Variants in PRH1 observed in about 807,000 individuals in gnomAD.
PRH1 encodes salivary acidic proline-rich phosphoprotein 1/2.
A neutral mutation model predicts 7.9 loss-of-function variants in PRH1; 7 were observed. The ratio of observed to expected loss-of-function variants is 0.89; its 90% CI spans 0.50 to 1.67. The LOEUF is 1.67. Ranked by LOEUF, PRH1 falls within the 40% of genes most tolerant of loss-of-function variation. The probability of loss-of-function intolerance (pLI) is 0.00; values close to 1 mark genes in which losing one functional copy is unlikely to be tolerated. For missense variants in PRH1, 109 were observed against 223.6 expected, an observed-to-expected ratio of 0.49 and a Z score of 3.27; for synonymous variants, 45 against 80.8, an observed-to-expected ratio of 0.56 and a Z score of 2.38.
intron 2 of PRH1, among the ~76,000 whole-genome samples, chr12:10,960,225 C>A (rs1938173320): frequency 6.6e-6 from 1 of 152,172 alleles, no homozygotes; most frequent in African/African-American, 2.4e-5. Flanking sequence ...TATGACAAAT[C>A]AAAGACCCTC....
At chr12:10,944,158 A>T (rs1950448185) in intron 2 of PRH1, among the ~76,000 whole-genome samples, 1 of 152,226 alleles carries the variant, frequency 6.6e-6, no homozygotes, top group African/African-American at 2.4e-5. Flanking sequence ...GAATCTGTAC[A>T]TTCCTTTGGG....
chr12:10,981,864 ATTT>A (rs3033036), intron 1 of PRH1, among the ~76,000 whole-genome samples: 1 of 141,636 alleles, frequency 7.1e-6, no homozygotes, highest in African/African-American at 2.6e-5. Flanking sequence ...CAAACAACTA[ATTT>A]TTTTTTTTTT....
intron 1 of PRH1, among the ~76,000 whole-genome samples, chr12:11,014,527 A>T (rs1941205011): frequency 6.6e-6 from 1 of 152,182 alleles, no homozygotes; most frequent in Non-Finnish European, 1.5e-5. Context: ...TTTGAAAAAT[A>T]CTTATAAACC....
intron 1 of PRH1, among the ~76,000 whole-genome samples, chr12:11,105,821 T>C (rs920123620): frequency 2.0e-5 from 3 of 152,180 alleles, no homozygotes; most frequent in Non-Finnish European, 2.9e-5. Flanking sequence ...GTGAGTAATA[T>C]GTAGAGTGAA....
At chr12:10,929,204 G>T in intron 2 of PRH1, 1 of 1,608,206 alleles carries the variant, frequency 6.2e-7, no homozygotes, top group African/African-American at 1.3e-5. Context: ...TGTCCTGCTT[G>T]TCTTTATAAA....
intron 2 of PRH1, among the ~76,000 whole-genome samples, chr12:10,965,770 T>C (rs944728486): frequency 3.3e-5 from 5 of 152,224 alleles, no homozygotes; most frequent in Non-Finnish European, 7.3e-5. Flanking sequence ...ATGGAAAATG[T>C]GCCACATATT....
In PRH1 at chr12:10,931,191, C is replaced by T. The variant is rs1348976193; in HGVS notation, c.-59+42464G>A. 5.2e-6 allele frequency: 8 copies of T among 1,535,940 alleles called. No homozygotes were observed. In the South Asian group the frequency reaches 6.5e-5, roughly 12 times the overall value. On this transcript the variant is annotated intron_variant, in intron 2 of 3. Transcript: ENST00000539853. ...GTTAATATTTCCGTGTCCTGGAACA[C>T]ATTTCTCATGAGTTTTGTTCAAATA...
At chr12:11,051,409 G>A (rs1339304917), upstream of PRH1, among the ~76,000 whole-genome samples, 1 of 152,016 alleles carries the variant, frequency 6.6e-6, no homozygotes, top group Non-Finnish European at 1.5e-5. Context: ...TAATTTTCAT[G>A]GAACATTTCT....
In PRH1 at chr12:11,021,685, T is replaced by A. The variant is rs1941638016; in HGVS notation, c.-126+25335A>T. ...CTCTTCTTTCACTCAGCGTGTCATC[T>A]GCCACAAAACTGAAAGAAAGGTCTG... is the stretch of plus-strand genomic sequence containing the variant. On this transcript the variant is annotated intron_variant, in intron 1 of 3. Coordinates refer to the PRH1 transcript ENST00000539853. The A allele has an allele frequency of 3.1e-6, 5 of 1,609,726 alleles. No homozygotes were observed. In the African/African-American group the frequency reaches 6.7e-5, roughly 21 times the overall value.
chr12:10,908,897 C>T (rs769675563), intron 2 of PRH1: 36 of 1,612,878 alleles, frequency 2.2e-5, no homozygotes, highest in Non-Finnish European at 2.8e-5. Flanking sequence ...AGGTTCCTAG[C>T]AGTATCATCA....
chr12:11,042,635 T>TTTTTTTTTTTTTG (rs1942755590), intron 1 of PRH1, among the ~76,000 whole-genome samples: 1 of 135,850 alleles, frequency 7.4e-6, no homozygotes. Context: ...TTTTTTTTTT[T>TTTTTTTTTTTTTG]TTTTTTTTTT....
At chr12:10,913,651 A>G (rs1017877880) in intron 2 of PRH1, among the ~76,000 whole-genome samples, 1 of 152,180 alleles carries the variant, frequency 6.6e-6, no homozygotes, top group African/African-American at 2.4e-5. Flanking sequence ...TCCTTGTAGG[A>G]TAAGAAATGT....
Position 11,096,359 on chromosome 12 carries a change from C to G in PRH1, n.124-49171G>C, listed in dbSNP as rs566019681. On this transcript the variant is annotated intron_variant and non_coding_transcript_variant, in intron 1 of 4. Transcript: ENST00000541977. ...CTATTGGATTCTCAAAATTGATGAC[C>G]CTTTTTTTTGTCTTATTGTTTTAGA... is the stretch of plus-strand genomic sequence containing the variant. Among the ~76,000 whole-genome samples, 50 of 115,146 alleles carry G rather than the reference C, an allele frequency of 4.3e-4. 13 individuals carry two copies. The highest frequency in any genetic ancestry group is 1.5e-3 in the African/African-American group (50 of 34,444). 75.5% of individuals were successfully genotyped at this position (115,146 alleles called of 152,430 possible).
rs1290870962 is a variant in PRH1 at position 11,096,861 on chromosome 12, G to A, written n.124-49673C>T. On this transcript the variant is annotated intron_variant and non_coding_transcript_variant, in intron 1 of 4. Transcript: ENST00000541977. ...CTCCCAGGCTGGAGTGCAGCGGCGC[G>A]ATCTCGGCTCACTGCAAGCTCTGTC... Among the ~76,000 whole-genome samples the A allele has an allele frequency of 2.6e-5, 3 of 114,474 alleles. 1 individual carries two copies. Among genetic ancestry groups the A allele is most frequent in the Non-Finnish European group, 6.2e-5 (3 of 48,636 alleles). 75.1% of individuals were successfully genotyped at this position (114,474 alleles called of 152,430 possible). A position where few individuals can be genotyped will look rare whatever the true frequency, so the allele number is the denominator to read the frequency against.
chr12:10,939,551 GT>G (rs60186756), intron 2 of PRH1, among the ~76,000 whole-genome samples: 14,417 of 123,186 alleles, frequency 0.12, 589 homozygotes, highest in Non-Finnish European at 0.14. Flanking sequence ...TGGTTTGTGT[GT>G]TTTTTTTTTT....
At chr12:11,090,007 A>C (rs1402610217) in intron 1 of PRH1, among the ~76,000 whole-genome samples, 1 of 117,038 alleles carries the variant, frequency 8.5e-6, no homozygotes, top group African/African-American at 2.9e-5. Flanking sequence ...TTTTGTGATG[A>C]GTTTCCTTTT....
At chr12:11,050,755 G>C (rs796336113), upstream of PRH1, among the ~76,000 whole-genome samples, 1 of 147,752 alleles carries the variant, frequency 6.8e-6, no homozygotes, top group South Asian at 2.1e-4. Flanking sequence ...CTTGGACTCT[G>C]AATTCACTCA....
At chr12:11,030,823 T>C in intron 1 of PRH1, 4 of 1,614,198 alleles carry the variant, frequency 2.5e-6, no homozygotes, top group Non-Finnish European at 3.4e-6. Flanking sequence ...AAAGGTACAC[T>C]GCACTCCTCA....
rs374035362 is a variant in PRH1, at chr12:11,041,881, T to C, written c.-126+5139A>G. Among the ~76,000 whole-genome samples, 180 of 152,182 alleles carry C rather than the reference T, an allele frequency of 1.2e-3. 7 individuals are homozygous for C. In the South Asian group the frequency reaches 0.036, roughly 30 times the overall value. On this transcript the variant is annotated intron_variant, in intron 1 of 3. Transcript: ENST00000539853. ...AAACAATATGCTCCTGAATGACCAG[T>C]AGGTCAACAAATAAATTTAAAAGGA...
Sources: gnomAD v4.1 joint callset for allele counts (sites outside exome capture counted in the v4.1 genomes callset) on GRCh38, gnomAD v4.1.1 for gene constraint, MANE v1.5 for transcripts, NCBI Gene and HGNC (gene_info 2026-07-23, HGNC 2026-07-21) for gene names.